EYS: variants seen among roughly 807,000 people sequenced by gnomAD.
EYS encodes protein eyes shut homolog.
EYS carries 250 observed loss-of-function variants against 282.1 expected under a neutral mutation model. That is an observed-to-expected ratio of 0.89 (90% CI 0.80 to 0.98). The LOEUF is 0.98. Ranked by LOEUF, EYS falls within the 50% of genes least tolerant of loss-of-function variation. The pLI is 0.00. For synonymous variants in EYS, 1,355 were observed against 1,282.9 expected (o/e 1.06, Z -1.20); for missense variants, 4,016 against 3,709.0 (o/e 1.08, Z -2.15).
At chr6:65,372,980 T>A (rs938158787) in intron 8 of EYS, among the ~76,000 whole-genome samples, 3 of 152,102 alleles carry the variant, frequency 2.0e-5, no homozygotes, top group African/African-American at 4.8e-5. Flanking sequence ...AAAAGAAATA[T>A]ATTTTTGTTC....
chr6:63,991,777 C>T (rs1767613199), intron 34 of EYS, among the ~76,000 whole-genome samples: 1 of 151,506 alleles, frequency 6.6e-6, no homozygotes, highest in Admixed American at 6.6e-5. Flanking sequence ...CTGAAATGAA[C>T]CTAAAAAAGT....
intron 28 of EYS, among the ~76,000 whole-genome samples, chr6:64,414,314 G>A (rs1773997686): frequency 3.3e-5 from 5 of 152,090 alleles, no homozygotes; most frequent in Admixed American, 2.6e-4. Context: ...AAATTCTGAG[G>A]GAAATGGTTC....
At chr6:64,993,390 C>T (rs28493571) in intron 14 of EYS, among the ~76,000 whole-genome samples, 10,291 of 151,624 alleles carry the variant, frequency 0.068, 444 homozygotes, top group East Asian at 0.13. Context: ...TGGACTACTA[C>T]GCAGCCATAA....
intron 27 of EYS, 67 bp from the exon 28 acceptor site, chr6:64,436,332 C>G: frequency 1.3e-6 from 1 of 781,706 alleles, no homozygotes. Context: ...TATATTTGCA[C>G]TGGACTTTAT....
At chr6:65,087,040 C>T (rs1196808038) in intron 12 of EYS, among the ~76,000 whole-genome samples, 2 of 152,076 alleles carry the variant, frequency 1.3e-5, no homozygotes, top group Non-Finnish European at 2.9e-5. Context: ...CCAGAACAGT[C>T]TCAATCTCTT....
chr6:64,939,142 T>G (rs557866883), intron 15 of EYS, among the ~76,000 whole-genome samples: 1 of 151,960 alleles, frequency 6.6e-6, no homozygotes, highest in African/African-American at 2.4e-5. Context: ...CTCTTTTCTC[T>G]TTACAATCTA....
chr6:64,668,089 T>C (rs1769296307), intron 22 of EYS, among the ~76,000 whole-genome samples: 1 of 152,140 alleles, frequency 6.6e-6, no homozygotes, highest in African/African-American at 2.4e-5. Flanking sequence ...CTGCTTGAAG[T>C]CACCTATAGA....
At chr6:65,085,518 A>G (rs573503599) in intron 12 of EYS, among the ~76,000 whole-genome samples, 1 of 152,190 alleles carries the variant, frequency 6.6e-6, no homozygotes, top group African/African-American at 2.4e-5. Context: ...GTGATCTTGA[A>G]TAGGTGGCTT....
intron 12 of EYS, among the ~76,000 whole-genome samples, chr6:65,252,352 T>C (rs956194118): frequency 1.3e-5 from 2 of 151,946 alleles, no homozygotes; most frequent in African/African-American, 4.8e-5. Context: ...GATTGACCAT[T>C]GATGGCAAAC....
chr6:63,756,076 C>G (rs1379100913), intron 41 of EYS, among the ~76,000 whole-genome samples: 2 of 152,178 alleles, frequency 1.3e-5, no homozygotes, highest in African/African-American at 4.8e-5. Context: ...CATCTGCAAA[C>G]AGAGACAATT....
intron 35 of EYS, among the ~76,000 whole-genome samples, chr6:63,898,438 C>T (rs758029229): frequency 4.6e-5 from 7 of 151,918 alleles, no homozygotes; most frequent in Non-Finnish European, 7.4e-5. Context: ...TTGCTGTGAG[C>T]CAAGAACATG....
At chr6:64,324,953 A>G (rs1770356261) in intron 29 of EYS, among the ~76,000 whole-genome samples, 1 of 152,226 alleles carries the variant, frequency 6.6e-6, no homozygotes, top group African/African-American at 2.4e-5. Flanking sequence ...CACTGCCGAA[A>G]GAAATCAGAG....
chr6:64,673,774 C>T (rs996996100), intron 22 of EYS, among the ~76,000 whole-genome samples: 2 of 151,944 alleles, frequency 1.3e-5, no homozygotes, highest in Non-Finnish European at 2.9e-5. Flanking sequence ...GACAACTAAA[C>T]CACATTCTTA....
intron 24 of EYS, among the ~76,000 whole-genome samples, chr6:64,615,527 G>C (rs537523278): frequency 1.3e-5 from 2 of 151,804 alleles, no homozygotes. Context: ...AATAATTTGC[G>C]TGTTATTTTC....
intron 31 of EYS, among the ~76,000 whole-genome samples, chr6:64,099,062 A>G (rs982029357): frequency 3.9e-5 from 6 of 152,326 alleles, no homozygotes; most frequent in Admixed American, 2.6e-4. Context: ...AGATATTCTA[A>G]TGCCTCAATC....
intron 35 of EYS, among the ~76,000 whole-genome samples, chr6:63,951,489 C>T (rs1210688339): frequency 1.3e-5 from 2 of 152,048 alleles, no homozygotes; most frequent in Non-Finnish European, 2.9e-5. Context: ...AGTCTGAACC[C>T]CAAGCATCAC....
chr6:64,788,135 A>T (rs1461065698), intron 22 of EYS, among the ~76,000 whole-genome samples: 2 of 152,184 alleles, frequency 1.3e-5, no homozygotes, highest in African/African-American at 2.4e-5. Context: ...CTGTCTGCTC[A>T]TACTTAAGAA....
At chr6:65,274,356 C>G (rs1376833415) in intron 12 of EYS, among the ~76,000 whole-genome samples, 9 of 152,204 alleles carry the variant, frequency 5.9e-5, no homozygotes, top group Admixed American at 5.9e-4. Flanking sequence ...GTGCAGAAGA[C>G]AGATGGATCT....
At chr6:64,617,256 G>A (rs898524346) in intron 24 of EYS, among the ~76,000 whole-genome samples, 162 bp downstream of exon 24, 1 of 152,120 alleles carries the variant, frequency 6.6e-6, no homozygotes, top group Non-Finnish European at 1.5e-5. Flanking sequence ...GGACAACAAG[G>A]GAAAGAGGAA....
Sources: gnomAD v4.1 joint callset for allele counts (sites outside exome capture counted in the v4.1 genomes callset) on GRCh38, gnomAD v4.1.1 for gene constraint, MANE v1.5 for transcripts, NCBI Gene and HGNC (gene_info 2026-07-23, HGNC 2026-07-21) for gene names.